LYN: variants seen among roughly 807,000 people sequenced by gnomAD.
LYN encodes LYN proto-oncogene, Src family tyrosine kinase, also known as tyrosine-protein kinase Lyn.
In LYN, 12 loss-of-function variants were observed where a neutral mutation model predicts 65.0. The observed-to-expected ratio is 0.18, with a 90% CI of 0.12 to 0.30. The LOEUF (loss-of-function observed/expected upper bound fraction) is 0.30. Among genes scored for constraint, LYN ranks in the 10% least tolerant of loss-of-function variants. The probability of loss-of-function intolerance (pLI) is 1.00; values close to 1 mark genes in which losing one functional copy is unlikely to be tolerated. For missense variants in LYN, 380 were observed against 623.2 expected (o/e 0.61, Z 4.16); for synonymous variants, 222 against 221.2 (o/e 1.00, Z -0.03).
chr8:55,885,075 C>T, intron 1 of LYN, among the ~76,000 whole-genome samples: 1 of 152,220 alleles, frequency 6.6e-6, no homozygotes, highest in East Asian at 1.9e-4. Flanking sequence ...CATTCCCTAT[C>T]ATCTTACAAA....
chr8:55,975,790 A>G (rs1807734845), intron 10 of LYN, among the ~76,000 whole-genome samples: 1 of 151,420 alleles, frequency 6.6e-6, no homozygotes, highest in South Asian at 2.1e-4. Context: ...AAAATAGTAT[A>G]AAACAGGAAC....
Position 55,879,927 on chromosome 8 carries a change from A to T in LYN, c.-182A>T, listed in dbSNP as rs942061396. 16 of 201,080 alleles carry T rather than the reference A, an allele frequency of 8.0e-5. No individual in the cohort carries two copies. The highest frequency in any genetic ancestry group is 7.9e-4 in the Admixed American group (13 of 16,510). 12.5% of individuals were successfully genotyped at this position (201,080 alleles called of 1,614,324 possible). A position where few individuals can be genotyped will look rare whatever the true frequency, so the allele number is the denominator to read the frequency against. On this transcript the variant is annotated 5_prime_UTR_variant, in exon 1 of 13. Transcript: ENST00000519728. Reference sequence around the variant, plus strand: ...CGCGCTGCAGCCTCCAGCCCGCGGCAAGCGGGGCGGCCGCGCCACCCCCGG... The same window carrying T: ...CGCGCTGCAGCCTCCAGCCCGCGGCTAGCGGGGCGGCCGCGCCACCCCCGG...
At chr8:55,909,721 T>C (rs1805543375) in intron 1 of LYN, among the ~76,000 whole-genome samples, 1 of 152,224 alleles carries the variant, frequency 6.6e-6, no homozygotes. Context: ...CCACCAATAG[T>C]GTATAAGCAT....
At chr8:55,924,371 T>C (rs1162769959) in intron 1 of LYN, among the ~76,000 whole-genome samples, 1 of 152,040 alleles carries the variant, frequency 6.6e-6, no homozygotes, top group East Asian at 1.9e-4. Flanking sequence ...ATTTTTTTTT[T>C]TCTTTTTTTG....
At chr8:55,972,093 A>G (rs567402603) in intron 10 of LYN, among the ~76,000 whole-genome samples, 12 of 152,220 alleles carry the variant, frequency 7.9e-5, no homozygotes, top group East Asian at 1.9e-4. Flanking sequence ...TCATGTTCAC[A>G]GGTCCAGGGT....
At chr8:55,929,883 A>G (rs1172405629) in intron 1 of LYN, among the ~76,000 whole-genome samples, 1 of 152,040 alleles carries the variant, frequency 6.6e-6, no homozygotes, top group Non-Finnish European at 1.5e-5. Flanking sequence ...GGCATCCCCA[A>G]CCCCTGGGCC....
At chr8:55,975,908 T>A (rs1285682523) in intron 10 of LYN, among the ~76,000 whole-genome samples, 1 of 152,110 alleles carries the variant, frequency 6.6e-6, no homozygotes, top group South Asian at 2.1e-4. Context: ...TATTTTTGCT[T>A]TAAATTTGAT....
At chr8:55,905,857 G>A (rs73682107) in intron 1 of LYN, among the ~76,000 whole-genome samples, 5,778 of 152,216 alleles carry the variant, frequency 0.038, 113 homozygotes, top group African/African-American at 0.054. Flanking sequence ...CCCATGCAAA[G>A]AGCCCGCTCC....
At chr8:55,899,764 C>G (rs1242233736) in intron 1 of LYN, among the ~76,000 whole-genome samples, 4 of 152,158 alleles carry the variant, frequency 2.6e-5, no homozygotes, top group Admixed American at 6.5e-5. Context: ...ATTCTCCTGT[C>G]TCAGCTTCCC....
At chr8:55,959,696 CAT>C (rs1166815068) in intron 8 of LYN, among the ~76,000 whole-genome samples, 1 of 152,028 alleles carries the variant, frequency 6.6e-6, no homozygotes, top group Non-Finnish European at 1.5e-5. Context: ...AAAACCTGTA[CAT>C]GAGTGTTCAT....
rs549018207 is a variant in LYN at position 56,003,796 on chromosome 8, T to C, written c.1336+4247T>C. 1.3e-4 allele frequency among the ~76,000 whole-genome samples: 20 copies of C among 152,038 alleles called. No individual in the cohort carries two copies. The East Asian group carries it at 1.5e-3, about 12-fold the overall frequency. On this transcript the variant is annotated intron_variant, in intron 12 of 12. Transcript: ENST00000519728. ...AAGGCAAACTCATTTTTAGAGGAGA[T>C]AGAAATACTAAGATAATATACTGAA...
At chr8:56,009,057 T>A (rs1484757226) in intron 12 of LYN, among the ~76,000 whole-genome samples, 1 of 152,232 alleles carries the variant, frequency 6.6e-6, no homozygotes, top group Non-Finnish European at 1.5e-5. Context: ...GGGTGCTGAC[T>A]TTAAGTAAAT....
intron 5 of LYN, 33 bp from the exon 6 acceptor site, chr8:55,950,648 T>C (rs769357994): frequency 1.9e-6 from 3 of 1,582,876 alleles, no homozygotes; most frequent in South Asian, 2.2e-5. Context: ...CCGTGGAACA[T>C]AATATGCAGG....
At chr8:55,896,344 C>G (rs1230351970) in intron 1 of LYN, among the ~76,000 whole-genome samples, 1 of 151,908 alleles carries the variant, frequency 6.6e-6, no homozygotes, top group Non-Finnish European at 1.5e-5. Context: ...AATAAAGAAA[C>G]AGAATAGCAG....
At chr8:55,986,800 A>T (rs1335862328) in intron 10 of LYN, among the ~76,000 whole-genome samples, 1 of 152,164 alleles carries the variant, frequency 6.6e-6, no homozygotes, top group African/African-American at 2.4e-5. Flanking sequence ...ATCATACCTC[A>T]CTGCAGCCTG....
At chr8:55,953,662 C>CA (rs908577038) in intron 7 of LYN, among the ~76,000 whole-genome samples, 170 bp from the exon 8 acceptor site, 3 of 151,576 alleles carry the variant, frequency 2.0e-5, no homozygotes, top group African/African-American at 2.4e-5. Flanking sequence ...AAAAGAAAAA[C>CA]AAAAAAAACC....
At chr8:55,895,051 C>T (rs561689217) in intron 1 of LYN, among the ~76,000 whole-genome samples, 3 of 151,938 alleles carry the variant, frequency 2.0e-5, no homozygotes, top group South Asian at 2.1e-4. Flanking sequence ...TGGTCTCAAG[C>T]GATCTTCCCA....
intron 2 of LYN, among the ~76,000 whole-genome samples, chr8:55,943,392 A>G (rs1806683780): frequency 6.6e-6 from 1 of 152,126 alleles, no homozygotes; most frequent in Middle Eastern, 3.4e-3. Flanking sequence ...CCTGGCCAAC[A>G]TGGTGAAACC....
chr8:55,999,589 T>C (rs777209156), intron 12 of LYN, 40 bp downstream of exon 12: 16 of 1,599,408 alleles, frequency 1.0e-5, no homozygotes, highest in Non-Finnish European at 1.4e-5. Context: ...GCTGTATAAA[T>C]GAGAAAAAGT....
Sources: allele counts gnomAD v4.1 joint callset (sites outside exome capture counted in the v4.1 genomes callset), GRCh38; gene constraint gnomAD v4.1.1; transcripts MANE v1.5; gene names NCBI Gene and HGNC (gene_info 2026-07-23, HGNC 2026-07-21).